PRKCA: variants seen among roughly 807,000 people sequenced by gnomAD.
PRKCA encodes protein kinase C alpha type.
PRKCA carries 27 observed loss-of-function variants against 87.0 expected under a neutral mutation model. The observed-to-expected ratio is 0.31, with a 90% CI of 0.23 to 0.43. The LOEUF is 0.43. Among genes scored for constraint, PRKCA ranks in the 20% least tolerant of loss-of-function variants. The pLI is 1.00. For synonymous variants in PRKCA, 329 were observed against 311.1 expected, an observed-to-expected ratio of 1.06 and a Z score of -0.61; for missense variants, 518 against 852.3, an observed-to-expected ratio of 0.61 and a Z score of 4.88.
intron 3 of PRKCA, among the ~76,000 whole-genome samples, chr17:66,540,431 G>T (rs1782739320): frequency 6.6e-6 from 1 of 152,176 alleles, no homozygotes; most frequent in African/African-American, 2.4e-5. Flanking sequence ...TGCTTTGGGG[G>T]TGAGGAGAGG....
intron 2 of PRKCA, among the ~76,000 whole-genome samples, chr17:66,320,459 G>A (rs1293185783): frequency 1.3e-5 from 2 of 151,946 alleles, no homozygotes; most frequent in South Asian, 2.1e-4. Flanking sequence ...TTTGAAAAAC[G>A]GCAGTGCCTT....
intron 8 of PRKCA, among the ~76,000 whole-genome samples, chr17:66,726,655 C>T (rs1414474572): frequency 6.6e-6 from 1 of 151,524 alleles, no homozygotes; most frequent in Non-Finnish European, 1.5e-5. Flanking sequence ...CGAGTGTCCT[C>T]CTCAGCCATC....
intron 3 of PRKCA, among the ~76,000 whole-genome samples, chr17:66,557,056 A>G (rs1309456998): frequency 6.6e-6 from 1 of 152,186 alleles, no homozygotes; most frequent in African/African-American, 2.4e-5. Flanking sequence ...TTGAGCCTCT[A>G]GATTCAGAGA....
At chr17:66,377,721 A>ATTTTTTTTTTT (rs1229084236) in intron 2 of PRKCA, among the ~76,000 whole-genome samples, 2 of 69,150 alleles carry the variant, frequency 2.9e-5, no homozygotes, top group East Asian at 4.8e-4. Flanking sequence ...ATATATATAT[A>ATTTTTTTTTTT]TTTTTTTTTT....
At chr17:66,383,386 TG>T (rs1909877016) in intron 2 of PRKCA, among the ~76,000 whole-genome samples, 1 of 147,740 alleles carries the variant, frequency 6.8e-6, no homozygotes, top group Non-Finnish European at 1.5e-5. Context: ...ATAAAGTTAC[TG>T]GGGAAAAGCC....
intron 2 of PRKCA, among the ~76,000 whole-genome samples, chr17:66,328,708 G>T (rs1326777927): frequency 6.6e-6 from 1 of 152,166 alleles, no homozygotes; most frequent in African/African-American, 2.4e-5. Context: ...TGAGGCAGGA[G>T]AATCTTTTGA....
intron 3 of PRKCA, among the ~76,000 whole-genome samples, chr17:66,580,981 A>G (rs1183147928): frequency 1.3e-5 from 2 of 152,032 alleles, no homozygotes; most frequent in Non-Finnish European, 2.9e-5. Flanking sequence ...TAGAGATAAC[A>G]CAAGTGGAAA....
In PRKCA at chr17:66,481,706, A is replaced by G. The variant is rs1372160769; in HGVS notation, c.206-14495A>G. Among the ~76,000 whole-genome samples, 4 of 152,284 alleles carry G rather than the reference A, an allele frequency of 2.6e-5. No individual in the cohort carries two copies. In the South Asian group the frequency reaches 6.2e-4, roughly 24 times the overall value. ...CAGATACCTGAAGGGACTGGGCTTC[A>G]TGTAGTCCTCCCAGGCCTGCCAGAC... On this transcript the variant is annotated intron_variant, in intron 2 of 16. Coordinates refer to ENST00000413366, the MANE Select transcript of PRKCA (RefSeq NM_002737.3).
intron 9 of PRKCA, among the ~76,000 whole-genome samples, chr17:66,734,666 C>G (rs147816965): frequency 6.6e-6 from 1 of 152,142 alleles, no homozygotes; most frequent in African/African-American, 2.4e-5. Context: ...TCTCATCCTG[C>G]GACTAAGAAT....
intron 2 of PRKCA, among the ~76,000 whole-genome samples, chr17:66,446,176 G>C (rs1323372724): frequency 6.6e-6 from 1 of 152,046 alleles, no homozygotes; most frequent in Non-Finnish European, 1.5e-5. Context: ...TCTGTGATTT[G>C]AAATGTTGCC....
intron 2 of PRKCA, among the ~76,000 whole-genome samples, chr17:66,480,299 C>T (rs942424261): frequency 6.6e-6 from 1 of 152,060 alleles, no homozygotes; most frequent in African/African-American, 2.4e-5. Flanking sequence ...GGCTCCTGGC[C>T]CCATTCCTTT....
At chr17:66,478,040 A>G (rs1205421875) in intron 2 of PRKCA, among the ~76,000 whole-genome samples, 1 of 152,222 alleles carries the variant, frequency 6.6e-6, no homozygotes, top group East Asian at 1.9e-4. Flanking sequence ...ACGTGCGCCC[A>G]GGAGACAGGT....
intron 2 of PRKCA, among the ~76,000 whole-genome samples, chr17:66,355,032 CAG>C (rs1163763126): frequency 1.3e-5 from 2 of 152,202 alleles, no homozygotes; most frequent in African/African-American, 2.4e-5. Context: ...GGGGCGAAAA[CAG>C]AGTGAACGTG....
intron 3 of PRKCA, among the ~76,000 whole-genome samples, chr17:66,611,649 C>T (rs1970367812): frequency 6.6e-6 from 1 of 152,194 alleles, no homozygotes. Flanking sequence ...ATGAACATTA[C>T]AGGTTTCATG....
chr17:66,645,279 A>T lies in PRKCA; in HGVS notation c.401-104A>T, dbSNP rs1259753310. 137 of 1,499,784 alleles carry T rather than the reference A, an allele frequency of 9.1e-5. 1 individual carries two copies. In the East Asian group the frequency reaches 3.1e-3, roughly 34 times the overall value. 92.9% of individuals were successfully genotyped at this position (1,499,784 alleles called of 1,614,324 possible). On this transcript the variant is annotated intron_variant, in intron 4 of 16. Transcript: ENST00000413366. ...CCAAAAACATTATAGCAAAGTATCG[A>T]GTTGGGGGTAACTCATTTTCACTTG...
chr17:66,762,518 G>A (rs772132199), intron 13 of PRKCA, among the ~76,000 whole-genome samples: 7 of 152,260 alleles, frequency 4.6e-5, no homozygotes, highest in Non-Finnish European at 2.9e-5. Context: ...TCTGCTTCCC[G>A]CTTGTATTCT....
chr17:66,303,292 C>T (rs960651359), intron 1 of PRKCA, among the ~76,000 whole-genome samples: 2 of 152,280 alleles, frequency 1.3e-5, no homozygotes, highest in Non-Finnish European at 2.9e-5. Context: ...CTCTCCGGGC[C>T]GGGCCCCTCA....
intron 2 of PRKCA, among the ~76,000 whole-genome samples, chr17:66,317,589 A>T (rs539660746): frequency 5.3e-5 from 8 of 152,192 alleles, no homozygotes; most frequent in African/African-American, 1.9e-4. Flanking sequence ...AGCTGTACAG[A>T]TAAGTAGCCA....
At chr17:66,561,461 T>A (rs1457589002) in intron 3 of PRKCA, among the ~76,000 whole-genome samples, 1 of 152,210 alleles carries the variant, frequency 6.6e-6, no homozygotes, top group Non-Finnish European at 1.5e-5. Flanking sequence ...CTAGTCTGAA[T>A]CCTTTTGGCT....
Sources: gnomAD v4.1 joint callset for allele counts (sites outside exome capture counted in the v4.1 genomes callset) on GRCh38, gnomAD v4.1.1 for gene constraint, MANE v1.5 for transcripts, NCBI Gene and HGNC (gene_info 2026-07-23, HGNC 2026-07-21) for gene names.